MYH9: variants seen among roughly 807,000 people sequenced by gnomAD.
MYH9 encodes myosin-9.
A neutral mutation model predicts 241.9 loss-of-function variants in MYH9; 29 were observed. The ratio of observed to expected loss-of-function variants is 0.12; its 90% confidence interval spans 0.09 to 0.16. MYH9 has a LOEUF of 0.16. Among genes scored for constraint, MYH9 ranks in the 10% least tolerant of loss-of-function variants. MYH9 has a pLI of 1.00. For synonymous variants in MYH9, 1,047 were observed against 1,062.6 expected (o/e 0.99, Z 0.29); for missense variants, 1,803 against 2,595.5 (o/e 0.69, Z 6.63).
chr22:36,365,276 T>C (rs1435304375), intron 1 of MYH9, among the ~76,000 whole-genome samples: 1 of 152,110 alleles, frequency 6.6e-6, no homozygotes, highest in Non-Finnish European at 1.5e-5. Flanking sequence ...AGGTAGCTCA[T>C]TTCCCAGAAT....
intron 30 of MYH9, among the ~76,000 whole-genome samples, chr22:36,292,781 A>G (rs2016727670): frequency 1.3e-5 from 2 of 152,238 alleles, no homozygotes; most frequent in South Asian, 2.1e-4. Context: ...CAGTCTAGAG[A>G]GGCCAAGGGA....
chr22:36,306,536 G>T lies in MYH9; in HGVS notation c.1915C>A (p.Arg639=). 1 of 1,614,052 alleles carries T rather than the reference G, an allele frequency of 6.2e-7. No homozygotes were observed. Among genetic ancestry groups the T allele is most frequent in the African/African-American group, 1.3e-5 (1 of 75,044 alleles). Residue 639 remains arginine, a synonymous_variant, in exon 16 of 41, where the codon CGG becomes AGG. Coordinates refer to ENST00000216181, the MANE Select transcript of MYH9 (RefSeq NM_002473.6). The surrounding 1 kb of genome is among the most constrained non-coding windows in gnomAD (Gnocchi z 4.1). ...ETALPGAFKT[R]KGMFRTVGQL... ...CCCACAGTGCGGAACATGCCCTTCC[G>T]CGTCTTGAAGGCCCCGGGCAGTGCG...
chr22:36,341,626 A>G (rs1281861842), intron 2 of MYH9, 100 bp from the exon 3 acceptor site: 9 of 1,389,072 alleles, frequency 6.5e-6, no homozygotes, highest in South Asian at 2.4e-5. Context: ...AGGACCCCTG[A>G]GTCAGCCTGA....
At chr22:36,308,788 C>A (rs17806543) in intron 15 of MYH9, 62,418 of 981,428 alleles carry the variant, frequency 0.064, 2,197 homozygotes, top group Non-Finnish European at 0.069. Flanking sequence ...ACAAGAGACA[C>A]CACTCGGGCG....
chr22:36,386,862 C>T (rs925432057), intron 1 of MYH9, among the ~76,000 whole-genome samples: 1 of 152,242 alleles, frequency 6.6e-6, no homozygotes. Flanking sequence ...CACAGGGAAG[C>T]GGGTGCGTGG....
intron 2 of MYH9, among the ~76,000 whole-genome samples, chr22:36,346,189 G>A (rs527842920): frequency 2.6e-5 from 4 of 151,238 alleles, no homozygotes; most frequent in African/African-American, 9.7e-5. Flanking sequence ...TTGTAAAGGA[G>A]ACTGTTCCAC....
chr22:36,341,008 G>A (rs1436088889), intron 3 of MYH9, among the ~76,000 whole-genome samples: 1 of 152,108 alleles, frequency 6.6e-6, no homozygotes, highest in Non-Finnish European at 1.5e-5. Context: ...TAGACTGTGG[G>A]GAAGAAGCAA....
intron 2 of MYH9, among the ~76,000 whole-genome samples, chr22:36,341,741 T>C (rs985872721): frequency 6.6e-6 from 1 of 152,098 alleles, no homozygotes; most frequent in African/African-American, 2.4e-5. Flanking sequence ...TAAGTGAAGA[T>C]CCTCCCTCTC....
chr22:36,313,949 T>C (rs1217425413), intron 13 of MYH9, among the ~76,000 whole-genome samples, 196 bp downstream of exon 13: 4 of 152,042 alleles, frequency 2.6e-5, no homozygotes, highest in African/African-American at 9.7e-5. Context: ...GCCCAGAGCA[T>C]CTCCTCTAAT....
At chr22:36,294,357 C>A in intron 27 of MYH9, 59 bp from the exon 28 acceptor site, 1 of 1,557,688 alleles carries the variant, frequency 6.4e-7, no homozygotes, top group South Asian at 1.1e-5. Context: ...GCTGGCTGGT[C>A]TATCATCACT....
chr22:36,282,524 C>T lies in MYH9; in HGVS notation c.*144G>A, dbSNP rs1361535082. 1.7e-5 allele frequency: 14 copies of T among 830,162 alleles called. No individual in the cohort carries two copies. The highest frequency in any genetic ancestry group is 2.7e-5 in the Non-Finnish European group (13 of 479,228). 51.4% of individuals were successfully genotyped at this position (830,162 alleles called of 1,614,324 possible). On this transcript the variant is annotated 3_prime_UTR_variant, in exon 41 of 41. Coordinates refer to ENST00000216181, the MANE Select transcript of MYH9 (RefSeq NM_002473.6). ...GCCCTCAACAACACCTGGAGGGAAA[C>T]GGGATGGGGGGACGGGGCGGAGGGC...
intron 13 of MYH9, 101 bp from the exon 14 acceptor site, chr22:36,312,323 C>A: frequency 7.9e-7 from 1 of 1,260,726 alleles, no homozygotes. Context: ...CTGAATCCCA[C>A]AGACGGTGGG....
chr22:36,354,012 C>T (rs2017813112), intron 1 of MYH9, among the ~76,000 whole-genome samples: 2 of 151,930 alleles, frequency 1.3e-5, no homozygotes, highest in African/African-American at 2.4e-5. Context: ...GCGATTCTCC[C>T]ACCTCAGCCT....
At chr22:36,378,260 C>A (rs112391479) in intron 1 of MYH9, among the ~76,000 whole-genome samples, 5 of 151,998 alleles carry the variant, frequency 3.3e-5, no homozygotes, top group Non-Finnish European at 7.4e-5. Flanking sequence ...GGCAACAGAG[C>A]AAGACGCTGT....
chr22:36,365,408 G>A (rs550879029), intron 1 of MYH9, among the ~76,000 whole-genome samples: 1 of 152,296 alleles, frequency 6.6e-6, no homozygotes, highest in Middle Eastern at 3.4e-3. Context: ...GGCTGCCAGA[G>A]GCGCCAGGGC....
At chr22:36,352,374 G>A (rs1433241520) in intron 1 of MYH9, among the ~76,000 whole-genome samples, 1 of 152,188 alleles carries the variant, frequency 6.6e-6, no homozygotes, top group East Asian at 1.9e-4. Flanking sequence ...GCGCAAGCTT[G>A]CAGCCCATCA....
chr22:36,335,131 C>G (rs2017478879), intron 3 of MYH9, among the ~76,000 whole-genome samples: 2 of 152,198 alleles, frequency 1.3e-5, no homozygotes, highest in African/African-American at 4.8e-5. Context: ...CTGTGCTAGT[C>G]TCTGGCTCTC....
intron 1 of MYH9, among the ~76,000 whole-genome samples, chr22:36,370,676 G>A (rs967359816): frequency 1.3e-5 from 2 of 152,204 alleles, no homozygotes; most frequent in Non-Finnish European, 2.9e-5. Flanking sequence ...CAGAGGGGAG[G>A]AGCCACCTCC....
At chr22:36,292,914 C>CTAGA (rs2016729353) in intron 30 of MYH9, among the ~76,000 whole-genome samples, 1 of 152,228 alleles carries the variant, frequency 6.6e-6, no homozygotes, top group South Asian at 2.1e-4. Flanking sequence ...CCACGTGCTG[C>CTAGA]TAGATAGCAC....
Sources: gnomAD v4.1 joint callset for allele counts (sites outside exome capture counted in the v4.1 genomes callset) on GRCh38, gnomAD v4.1.1 for gene constraint, Gnocchi (gnomAD v3.1) non-coding constraint, MANE v1.5 for transcripts, NCBI Gene and HGNC (gene_info 2026-07-23, HGNC 2026-07-21) for gene names.